TFAP2E: variants seen among roughly 807,000 people sequenced by gnomAD.
The protein encoded by TFAP2E is transcription factor AP-2-epsilon.
A neutral mutation model predicts 37.9 loss-of-function variants in TFAP2E; 30 were observed. The ratio of observed to expected loss-of-function variants is 0.79; its 90% CI spans 0.59 to 1.07. The LOEUF is 1.07. Ranked by LOEUF, TFAP2E falls within the 50% of genes least tolerant of loss-of-function variation. TFAP2E has a pLI of 0.00. For synonymous variants in TFAP2E, 318 were observed against 295.8 expected, an observed-to-expected ratio of 1.08 and a Z score of -0.77; for missense variants, 567 against 637.9, an observed-to-expected ratio of 0.89 and a Z score of 1.20.
chr1:35,576,945 AGCGGG>A (rs1649193204), intron 3 of TFAP2E, among the ~76,000 whole-genome samples: 2 of 50,308 alleles, frequency 4.0e-5, no homozygotes, highest in Admixed American at 4.0e-4. Context: ...CCCCAGCGCC[AGCGGG>A]ACCCCAGCGC....
intron 6 of TFAP2E, among the ~76,000 whole-genome samples, chr1:35,593,172 C>T (rs988220938): frequency 1.9e-4 from 29 of 151,962 alleles, no homozygotes; most frequent in Non-Finnish European, 1.5e-5. Context: ...TGGCGAAACC[C>T]CATCTGTACT....
chr1:35,579,223 C>T (rs148001905), intron 3 of TFAP2E, among the ~76,000 whole-genome samples: 6,675 of 151,286 alleles, frequency 0.044, 338 homozygotes, highest in African/African-American at 0.13. Context: ...TGGTGAAACC[C>T]CGTTTCTACT....
intron 4 of TFAP2E, 141 bp from the exon 5 acceptor site, chr1:35,589,789 G>A (rs1440206139): frequency 1.3e-5 from 10 of 795,370 alleles, no homozygotes; most frequent in Non-Finnish European, 1.9e-5. Context: ...TGCTGAAAGA[G>A]ACCTCAGAGC....
chr1:35,589,186 CTCTGTGTG>C lies in TFAP2E; in HGVS notation c.785+636_785+643del, dbSNP rs1275857982. Among the ~76,000 whole-genome samples, 331 of 133,624 alleles carry C rather than the reference CTCTGTGTG, an allele frequency of 2.5e-3. 5 individuals carry two copies. The highest frequency in any genetic ancestry group is 9.4e-3 in the African/African-American group (322 of 34,400). The allele number at this position is 133,624 out of a possible 152,430, so 87.7% of individuals were successfully genotyped here. A position where few individuals can be genotyped will look rare whatever the true frequency, so the allele number is the denominator to read the frequency against. On this transcript the variant is annotated intron_variant, in intron 4 of 6. Transcript: ENST00000373235. ...GATGTGTGGCCTAGGGTGTGTCCTG[CTCTGTGTG>C]TGTGTGTGTGTGTGTGTGTGTGTGT... is the stretch of plus-strand genomic sequence containing the variant.
chr1:35,577,385 C>T lies in TFAP2E; in HGVS notation c.562+2385C>T, dbSNP rs761044956. On this transcript the variant is annotated intron_variant, in intron 3 of 6. Coordinates refer to ENST00000373235, the MANE Select transcript of TFAP2E (RefSeq NM_178548.4). This position sits in a 1 kb window ranked among gnomAD's most constrained non-coding sequence, Gnocchi z 6.3. The stretch of plus-strand genomic sequence containing the variant: ...GCCAGCCCAGTGGGGAGTGAATTAG[C>T]GCCCTCCTTCGTCCTCGGCCCTTCC... 171 of 456,814 alleles carry T rather than the reference C, an allele frequency of 3.7e-4. 1 individual carries two copies. The highest frequency in any genetic ancestry group is 6.7e-4 in the Non-Finnish European group (152 of 226,994). The allele number at this position is 456,814 out of a possible 1,614,324, so 28.3% of individuals were successfully genotyped here. A position where few individuals can be genotyped will look rare whatever the true frequency, so the allele number is the denominator to read the frequency against.
At chr1:35,576,429 T>G (rs575774946) in intron 3 of TFAP2E, among the ~76,000 whole-genome samples, 1 of 152,264 alleles carries the variant, frequency 6.6e-6, no homozygotes, top group East Asian at 1.9e-4. Flanking sequence ...AGAGCCTTTC[T>G]TGACCCCTGA....
In TFAP2E at chr1:35,577,240, GC is replaced by G. The variant is rs1027049084; in HGVS notation, c.562+2241del. On this transcript the variant is annotated intron_variant, in intron 3 of 6. Transcript: ENST00000373235. This position sits in a 1 kb window ranked among gnomAD's most constrained non-coding sequence, Gnocchi z 6.3. ...CGTGGGCGGTCGACCCAGGGCAGCT[GC>G]GGCGGCGAGGCAGGTGGGCTCCTTG... 7 of 394,116 alleles carry G rather than the reference GC, an allele frequency of 1.8e-5. No homozygotes were observed. Among genetic ancestry groups the G allele is most frequent in the African/African-American group, 1.2e-4 (6 of 48,460 alleles). The allele number at this position is 394,116 out of a possible 1,614,324, so 24.4% of individuals were successfully genotyped here.
intron 4 of TFAP2E, 43 bp from the exon 5 acceptor site, chr1:35,589,885 CTT>C (rs1491553670): frequency 1.9e-6 from 3 of 1,603,734 alleles, no homozygotes; most frequent in South Asian, 1.1e-5. Context: ...ATGCGTTTCT[CTT>C]GTCTTCATAG....
chr1:35,580,264 C>T (rs190461897), intron 3 of TFAP2E, among the ~76,000 whole-genome samples: 6 of 152,036 alleles, frequency 3.9e-5, no homozygotes, highest in Non-Finnish European at 7.4e-5. Context: ...GAAACTTAAT[C>T]GGCAGGTCCC....
intron 4 of TFAP2E, 110 bp from the exon 5 acceptor site, chr1:35,589,820 A>G: frequency 8.8e-7 from 1 of 1,131,928 alleles, no homozygotes; most frequent in Admixed American, 1.8e-5. Flanking sequence ...CCAATCCCAA[A>G]CCTCAACAGG....
At chr1:35,589,513 TGA>T (rs368041337) in intron 4 of TFAP2E, among the ~76,000 whole-genome samples, 16 of 151,836 alleles carry the variant, frequency 1.1e-4, no homozygotes, top group African/African-American at 3.1e-4. Context: ...TGTGTGTGTG[TGA>T]GAGAGTCACC....
chr1:35,578,698 C>A lies in TFAP2E; in HGVS notation c.562+3698C>A, dbSNP rs144840848. 5.4e-3 allele frequency among the ~76,000 whole-genome samples: 828 copies of A among 152,198 alleles called. 9 individuals are homozygous for A. The highest frequency in any genetic ancestry group is 6.3e-3 in the Non-Finnish European group (428 of 68,028). On this transcript the variant is annotated intron_variant, in intron 3 of 6. Coordinates refer to ENST00000373235, the MANE Select transcript of TFAP2E (RefSeq NM_178548.4). Reference sequence around the variant, plus strand: ...AGGAGGAGGGAGCTGGGGAGGGTCTCCACTTCCCAGACAATCTCTAAGCAG... The same window carrying A: ...AGGAGGAGGGAGCTGGGGAGGGTCTACACTTCCCAGACAATCTCTAAGCAG...
chr1:35,574,405 T>A lies in TFAP2E; in HGVS notation c.506T>A (p.Leu169Gln). ...GLAAAPGLED[L>Q]QAMDEPGMSL... The stretch of plus-strand genomic sequence containing the variant: ...GCGGCGGCCCCCGGTCTGGAGGACC[T>A]GCAGGTGAGACCCGAGGGATCCGGG... Residue 169 changes from leucine to glutamine, a missense_variant, in exon 2 of 7, where the codon CTG becomes CAG. Leu to Gln is a moderately radical substitution (Grantham distance 113). This residue lies in a region of TFAP2E where 312 missense variants were observed against 317.4 expected (regional missense o/e 0.98). Coordinates refer to ENST00000373235, the MANE Select transcript of TFAP2E (RefSeq NM_178548.4). 7.0e-7 allele frequency: 1 copy of A among 1,428,972 alleles called. No individual in the cohort carries two copies. Among genetic ancestry groups the A allele is most frequent in the Non-Finnish European group, 9.1e-7 (1 of 1,102,280 alleles). The allele number at this position is 1,428,972 out of a possible 1,614,324, so 88.5% of individuals were successfully genotyped here. A position where few individuals can be genotyped will look rare whatever the true frequency, so the allele number is the denominator to read the frequency against.
At position 35,594,544 on chromosome 1, in the gene TFAP2E, T is replaced by C. The variant is rs1649775236; in HGVS notation, c.1197T>C (p.Cys399=). The stretch of plus-strand genomic sequence containing the variant: ...ATGGCTTCGGTGGGCCTGCCATCTG[T>C]GCTGCCCTCACTGCCTTCCAGAACT... ...ITHGFGGPAI[C]AALTAFQNYL... is the part of the protein sequence containing the mutation. The change falls in exon 7 of 7, where the codon TGT becomes TGC. Residue 399 remains cysteine, a synonymous_variant. Coordinates refer to ENST00000373235, the MANE Select transcript of TFAP2E (RefSeq NM_178548.4). The C allele has an allele frequency of 1.1e-5, 17 of 1,614,212 alleles. No individual in the cohort carries two copies. Among genetic ancestry groups the C allele is most frequent in the East Asian group, 6.7e-5 (3 of 44,878 alleles).
In TFAP2E at chr1:35,577,605, G is replaced by T; in HGVS notation, c.562+2605G>T. ...CGCTGAAGGTTGGGGTCCTTGGTGCGAAAGGGAGGCAGCTGCAGCCTCAGC... is the reference window on the plus strand; with the variant it reads ...CGCTGAAGGTTGGGGTCCTTGGTGCTAAAGGGAGGCAGCTGCAGCCTCAGC... On this transcript the variant is annotated intron_variant, in intron 3 of 6. Coordinates refer to ENST00000373235, the MANE Select transcript of TFAP2E (RefSeq NM_178548.4). The surrounding 1 kb of genome is among the most constrained non-coding windows in gnomAD (Gnocchi z 6.3). 5.6e-6 allele frequency: 2 copies of T among 356,248 alleles called. No homozygotes were observed. The highest frequency in any genetic ancestry group is 4.0e-5 in the South Asian group (2 of 49,676). The allele number at this position is 356,248 out of a possible 1,614,324, so 22.1% of individuals were successfully genotyped here. A position where few individuals can be genotyped will look rare whatever the true frequency, so the allele number is the denominator to read the frequency against.
rs1440608752 is a variant in TFAP2E at position 35,577,351 on chromosome 1, G to A, written c.562+2351G>A. 1 of 456,728 alleles carries A rather than the reference G, an allele frequency of 2.2e-6. No individual in the cohort carries two copies. Among genetic ancestry groups the A allele is most frequent in the Non-Finnish European group, 4.4e-6 (1 of 226,958 alleles). 28.3% of individuals were successfully genotyped at this position (456,728 alleles called of 1,614,324 possible). On this transcript the variant is annotated intron_variant, in intron 3 of 6. Transcript: ENST00000373235. The surrounding 1 kb of genome is among the most constrained non-coding windows in gnomAD (Gnocchi z 6.3). ...GCCCTCCGCGGTCACTGCGGGATTC[G>A]GCGTTGCCGCCAGCCCAGTGGGGAG... is the stretch of plus-strand genomic sequence containing the variant.
At chr1:35,585,391 T>C (rs1027896350) in intron 3 of TFAP2E, among the ~76,000 whole-genome samples, 3 of 152,130 alleles carry the variant, frequency 2.0e-5, no homozygotes, top group African/African-American at 4.8e-5. Context: ...TTGCATAAGG[T>C]GCCCCTCTAG....
At chr1:35,581,576 CT>C (rs34241641) in intron 3 of TFAP2E, among the ~76,000 whole-genome samples, 186 of 141,790 alleles carry the variant, frequency 1.3e-3, no homozygotes, top group Non-Finnish European at 1.5e-3. Context: ...TCTTTTTTTT[CT>C]TTTTTTTTTT....
chr1:35,574,183 CT>C lies in TFAP2E; in HGVS notation c.285del (p.Pro96LeufsTer82). The C allele has an allele frequency of 7.3e-7, 1 of 1,375,694 alleles. No individual in the cohort carries two copies. The highest frequency in any genetic ancestry group is 3.2e-5 in the Admixed American group (1 of 30,916). 85.2% of individuals were successfully genotyped at this position (1,375,694 alleles called of 1,614,324 possible). The part of the protein sequence containing the change: ...GGLAPLAQPQ[P>X]PQAAWAAPRA... ...CTGGCGCCCCTGGCGCAGCCGCAGCCTCCTCAGGCCGCCTGGGCCGCGCCCC... is the reference window on the plus strand; with the variant it reads ...CTGGCGCCCCTGGCGCAGCCGCAGCCCCTCAGGCCGCCTGGGCCGCGCCCC... On this transcript the variant is annotated frameshift_variant, in exon 2 of 7. Transcript: ENST00000373235. LOFTEE classifies it high-confidence loss of function.
Sources: allele counts gnomAD v4.1 joint callset (sites outside exome capture counted in the v4.1 genomes callset), GRCh38; gene constraint gnomAD v4.1.1; regional missense constraint gnomAD v4.1.1; non-coding constraint Gnocchi (gnomAD v3.1); transcripts MANE v1.5; gene names NCBI Gene and HGNC (gene_info 2026-07-23, HGNC 2026-07-21).